TSPEAR: variants seen among roughly 807,000 people sequenced by gnomAD.
The protein encoded by TSPEAR is thrombospondin-type laminin G domain and EAR repeat-containing protein.
Under a neutral mutation model 71.6 loss-of-function variants are expected in TSPEAR, and 69 were observed. The observed-to-expected ratio is 0.96, with a 90% CI of 0.79 to 1.18. The LOEUF is 1.18. TSPEAR is among the 50% of genes most tolerant of loss of function. TSPEAR has a pLI of 0.00. For missense variants in TSPEAR, 971 were observed against 894.9 expected (o/e 1.09, Z -1.09); for synonymous variants, 402 against 387.2 (o/e 1.04, Z -0.45).
chr21:44,615,465 T>A (rs1181822641), intron 1 of TSPEAR, among the ~76,000 whole-genome samples: 6 of 152,128 alleles, frequency 3.9e-5, no homozygotes, highest in African/African-American at 1.4e-4. Context: ...GCTGGGGGAT[T>A]AAAGACATTT....
intron 1 of TSPEAR, chr21:44,698,170 C>T (rs1987474859): frequency 1.6e-6 from 1 of 609,556 alleles, no homozygotes; most frequent in Non-Finnish European, 2.9e-6. Context: ...CCACTTCCCA[C>T]ATTCCAGGCC....
At chr21:44,697,382 C>T in intron 1 of TSPEAR, 1 of 1,613,486 alleles carries the variant, frequency 6.2e-7, no homozygotes, top group South Asian at 1.1e-5. Context: ...TGTATCCAGC[C>T]CCTGCTGCCG....
At chr21:44,640,212 T>C (rs1453361065) in intron 1 of TSPEAR, among the ~76,000 whole-genome samples, 1 of 152,208 alleles carries the variant, frequency 6.6e-6, no homozygotes, top group Non-Finnish European at 1.5e-5. Flanking sequence ...CCCATGGGAA[T>C]ATTATTCAGC....
At chr21:44,544,372 T>C (rs1386565083) in intron 2 of TSPEAR, among the ~76,000 whole-genome samples, 2 of 151,942 alleles carry the variant, frequency 1.3e-5, no homozygotes, top group Non-Finnish European at 2.9e-5. Context: ...TGAGGGAAAT[T>C]TGTGGGATGA....
chr21:44,693,620 T>C (rs1987208281), intron 1 of TSPEAR, among the ~76,000 whole-genome samples: 1 of 150,560 alleles, frequency 6.6e-6, no homozygotes, highest in Non-Finnish European at 1.5e-5. Context: ...CAATGAATGC[T>C]ACTTCACACC....
intron 2 of TSPEAR, among the ~76,000 whole-genome samples, chr21:44,549,019 G>A (rs187713097): frequency 3.3e-4 from 51 of 152,336 alleles, no homozygotes; most frequent in Admixed American, 2.3e-3. Context: ...TGCCTCTCAC[G>A]TGGCCGGTTG....
At chr21:44,600,415 G>A (rs1422969648) in intron 1 of TSPEAR, among the ~76,000 whole-genome samples, 1 of 152,134 alleles carries the variant, frequency 6.6e-6, no homozygotes, top group Non-Finnish European at 1.5e-5. Flanking sequence ...GCATCTCATA[G>A]GACTAAACAT....
At chr21:44,594,616 G>A (rs2084842281) in intron 1 of TSPEAR, among the ~76,000 whole-genome samples, 1 of 151,832 alleles carries the variant, frequency 6.6e-6, no homozygotes, top group African/African-American at 2.4e-5. Flanking sequence ...TTCCTCCTTC[G>A]TGAATATTCA....
chr21:44,587,426 A>G (rs782724382), intron 1 of TSPEAR, among the ~76,000 whole-genome samples: 9 of 152,246 alleles, frequency 5.9e-5, no homozygotes, highest in South Asian at 2.1e-4. Flanking sequence ...ATGTTCATGG[A>G]TGGGTAGAAT....
At chr21:44,507,580 T>C (rs1327303853) in intron 10 of TSPEAR, among the ~76,000 whole-genome samples, 1 of 152,246 alleles carries the variant, frequency 6.6e-6, no homozygotes, top group Non-Finnish European at 1.5e-5. Flanking sequence ...TCCATACCAC[T>C]GTCCAGTGGT....
intron 1 of TSPEAR, among the ~76,000 whole-genome samples, chr21:44,688,745 T>C (rs1227087290): frequency 2.0e-5 from 3 of 151,752 alleles, no homozygotes; most frequent in Non-Finnish European, 2.9e-5. Flanking sequence ...GAAGGGTGTG[T>C]GTGGACTGCC....
chr21:44,695,317 A>G lies in TSPEAR; in HGVS notation c.82+16116T>C, dbSNP rs1179775071. ...AAGTGCACCACAGACTCTGATATGT[A>G]CAGAACAGGCCCCTGGGTCTCGGTC... is the stretch of plus-strand genomic sequence containing the variant. On this transcript the variant is annotated intron_variant, in intron 1 of 11. Coordinates refer to ENST00000323084, the MANE Select transcript of TSPEAR (RefSeq NM_144991.3). The surrounding 1 kb of genome is among the most constrained non-coding windows in gnomAD (Gnocchi z 4.5). 3.3e-5 allele frequency among the ~76,000 whole-genome samples: 5 copies of G among 152,238 alleles called. No individual in the cohort carries two copies. Among genetic ancestry groups the G allele is most frequent in the African/African-American group, 1.2e-4 (5 of 41,526 alleles).
intron 1 of TSPEAR, chr21:44,600,541 C>T: frequency 1.3e-6 from 2 of 1,497,088 alleles, no homozygotes; most frequent in South Asian, 2.6e-5. Flanking sequence ...GCCAACATCC[C>T]TGAGCACCTA....
intron 1 of TSPEAR, among the ~76,000 whole-genome samples, chr21:44,682,622 G>A (rs1986660859): frequency 6.6e-6 from 1 of 152,218 alleles, no homozygotes; most frequent in African/African-American, 2.4e-5. Flanking sequence ...ATACAGTTGA[G>A]ATTTAGGAGA....
chr21:44,506,430 G>T lies in TSPEAR; in HGVS notation c.1755-1549C>A, dbSNP rs990899666. Among the ~76,000 whole-genome samples the T allele has an allele frequency of 3.9e-5, 6 of 152,266 alleles. No homozygotes were observed. The highest frequency in any genetic ancestry group is 8.8e-5 in the Non-Finnish European group (6 of 68,044). ...CTGTGGCCAGTTCAGGCAGCAGAGGGGCCTCATCCCGGTGCTTCCCTGCAG... is the reference window on the plus strand; with the variant it reads ...CTGTGGCCAGTTCAGGCAGCAGAGGTGCCTCATCCCGGTGCTTCCCTGCAG... On this transcript the variant is annotated intron_variant, in intron 10 of 11. Transcript: ENST00000323084. The surrounding 1 kb of genome is among the most constrained non-coding windows in gnomAD (Gnocchi z 4.2).
chr21:44,697,076 C>G, intron 1 of TSPEAR: 8 of 1,424,740 alleles, frequency 5.6e-6, no homozygotes, highest in Non-Finnish European at 7.6e-6. Flanking sequence ...CGCTCACTCA[C>G]TCCCTCCCTC....
chr21:44,500,606 CG>C (rs1203763941), intron 11 of TSPEAR, among the ~76,000 whole-genome samples: 5 of 152,260 alleles, frequency 3.3e-5, no homozygotes, highest in African/African-American at 1.2e-4. Context: ...TCTGCTCTCA[CG>C]GGAAAGGGCA....
At chr21:44,601,003 G>A in intron 1 of TSPEAR, 3 of 1,611,258 alleles carry the variant, frequency 1.9e-6, no homozygotes, top group Non-Finnish European at 1.7e-6. Context: ...CTGTGTGCCT[G>A]TCTGCAGTGG....
At chr21:44,703,365 A>G (rs1287656527) in intron 1 of TSPEAR, among the ~76,000 whole-genome samples, 1 of 152,194 alleles carries the variant, frequency 6.6e-6, no homozygotes, top group Non-Finnish European at 1.5e-5. Context: ...TCCAGGATTC[A>G]GGTGGTGATG....
Sources: allele counts gnomAD v4.1 joint callset (sites outside exome capture counted in the v4.1 genomes callset), GRCh38; gene constraint gnomAD v4.1.1; non-coding constraint Gnocchi (gnomAD v3.1); transcripts MANE v1.5; gene names NCBI Gene and HGNC (gene_info 2026-07-23, HGNC 2026-07-21).